The following ETS1 variants were observed in gnomAD, a reference collection of about 807,000 sequenced individuals.
ETS1 encodes ETS proto-oncogene 1, transcription factor.
ETS1 carries 15 observed loss-of-function variants against 58.6 expected under a neutral mutation model. The observed-to-expected ratio is 0.26, with a 90% CI of 0.17 to 0.39. The LOEUF (loss-of-function observed/expected upper bound fraction) is 0.39. Ranked by LOEUF, ETS1 falls within the 10% of genes least tolerant of loss-of-function variation. ETS1 has a pLI of 1.00. For synonymous variants in ETS1, 214 were observed against 218.2 expected (o/e 0.98, Z 0.17); for missense variants, 417 against 610.5 (o/e 0.68, Z 3.34).
chr11:128,585,022 A>AG (rs1555092955), intron 1 of ETS1, among the ~76,000 whole-genome samples: 18 of 14,412 alleles, frequency 1.2e-3, no homozygotes, highest in Admixed American at 3.2e-3. Context: ...GAAAGAAAGA[A>AG]GAAAGAAAGA....
chr11:128,562,987 G>A (rs1864428695), intron 2 of ETS1, among the ~76,000 whole-genome samples: 1 of 151,972 alleles, frequency 6.6e-6, no homozygotes, highest in African/African-American at 2.4e-5. Context: ...AAAAGAATAG[G>A]AGAATATATT....
chr11:128,484,885 T>C lies in ETS1; in HGVS notation c.800A>G (p.Tyr267Cys), dbSNP rs1862583863. ...PLQTDTLQNDYFAIKQEVVTP... is the reference protein window; with the variant it reads ...PLQTDTLQNDCFAIKQEVVTP... ...GACGACTTCTTGTTTGATAGCAAAG[T>C]AGTCATTCTGCAAGGTGTCTGTCTG... Residue 267 changes from tyrosine to cysteine, a missense_variant, in exon 7 of 10, where the codon TAC (tyrosine) becomes TGC (cysteine). Physicochemically the swap from Tyr to Cys is radical, Grantham distance 194 (BLOSUM62 -2). Around this residue, in one of 4 missense-constraint regions of ETS1, gnomAD observed 139 missense variants for 152.1 expected, o/e 0.91. Transcript: ENST00000392668. The C allele has an allele frequency of 6.2e-7, 1 of 1,613,876 alleles. No individual in the cohort carries two copies. The highest frequency in any genetic ancestry group is 8.5e-7 in the Non-Finnish European group (1 of 1,179,806).
intron 3 of ETS1, among the ~76,000 whole-genome samples, chr11:128,493,700 G>C (rs1018248303): frequency 2.6e-5 from 4 of 152,078 alleles, no homozygotes; most frequent in African/African-American, 9.7e-5. Flanking sequence ...TGGAATTGTA[G>C]TTTAAAAAGA....
intron 1 of ETS1, among the ~76,000 whole-genome samples, chr11:128,585,332 C>G (rs67904832): frequency 0.76 from 104,660 of 137,084 alleles, 38,046 homozygotes; most frequent in Admixed American, 0.78. Flanking sequence ...AGGAAGGAAG[C>G]AAGGAAGGAA....
At chr11:128,535,328 A>G (rs1379326311) in intron 3 of ETS1, among the ~76,000 whole-genome samples, 1 of 151,960 alleles carries the variant, frequency 6.6e-6, no homozygotes, top group Non-Finnish European at 1.5e-5. Context: ...TGGATATTAG[A>G]CCTTTGTCAA....
intron 3 of ETS1, among the ~76,000 whole-genome samples, chr11:128,514,916 A>G (rs1472556017): frequency 6.6e-6 from 1 of 152,024 alleles, no homozygotes; most frequent in Non-Finnish European, 1.5e-5. Context: ...TAGTTTTACA[A>G]TTTCCTTTCA....
intron 8 of ETS1, among the ~76,000 whole-genome samples, chr11:128,465,113 AG>A (rs1410476343): frequency 6.6e-6 from 1 of 152,222 alleles, no homozygotes; most frequent in Non-Finnish European, 1.5e-5. Context: ...CCACAGCCAA[AG>A]GAAGTCCTCC....
intron 2 of ETS1, among the ~76,000 whole-genome samples, chr11:128,568,336 CACAG>C (rs1864548278): frequency 6.6e-6 from 1 of 152,234 alleles, no homozygotes; most frequent in African/African-American, 2.4e-5. Context: ...GCTGGGCCAG[CACAG>C]TGCTGTGAAG....
At chr11:128,543,696 T>C (rs1322708363) in intron 3 of ETS1, among the ~76,000 whole-genome samples, 1 of 152,108 alleles carries the variant, frequency 6.6e-6, no homozygotes, top group Non-Finnish European at 1.5e-5. Flanking sequence ...TTCCCTTAAG[T>C]TCCTTAAGTT....
Position 128,484,921 on chromosome 11 carries a change from C to T in ETS1, c.764G>A (p.Arg255Gln), listed in dbSNP as rs753877130. 7.4e-6 allele frequency: 12 copies of T among 1,613,826 alleles called. No homozygotes were observed. In the East Asian group the frequency reaches 2.0e-4, roughly 27 times the overall value. ...YENDYPSVIL[R>Q]DPLQTDTLQN... is the part of the protein sequence containing the mutation. ...CAAGGTGTCTGTCTGGAGAGGGTCT[C>T]GGAGAATGACCGAGGGGTAGTCATT... The change falls in exon 7 of 10, where the codon CGA becomes CAA. Residue 255 changes from arginine to glutamine, a missense_variant. Arg to Gln is a conservative substitution (Grantham distance 43, BLOSUM62 1). This residue lies in a region of ETS1 where 139 missense variants were observed against 152.1 expected (regional missense o/e 0.91). Coordinates refer to ENST00000392668, the MANE Select transcript of ETS1 (RefSeq NM_001143820.2).
At chr11:128,524,272 AGT>A (rs1863757845) in intron 3 of ETS1, among the ~76,000 whole-genome samples, 1 of 152,238 alleles carries the variant, frequency 6.6e-6, no homozygotes, top group East Asian at 1.9e-4. Context: ...ATTCTTCCAT[AGT>A]GACAACTCAG....
chr11:128,490,517 C>T lies in ETS1; in HGVS notation c.274G>A (p.Ala92Thr). 1.2e-6 allele frequency: 2 copies of T among 1,611,194 alleles called. No homozygotes were observed. The highest frequency in any genetic ancestry group is 8.5e-7 in the Non-Finnish European group (1 of 1,177,954). ...AAACCACTGAAAGTAGCTTTTAATG[C>T]TTGAGACATCATTTCTTTGCTGCTT... Reference protein sequence around the residue: ...TPSSKEMMSQALKATFSGFTK... With the variant: ...TPSSKEMMSQTLKATFSGFTK... Residue 92 changes from alanine (A) to threonine (T), a missense_variant, in exon 4 of 10, where the codon GCA becomes ACA. Ala to Thr is a moderately conservative substitution (Grantham distance 58, BLOSUM62 0). Coordinates refer to ENST00000392668, the MANE Select transcript of ETS1 (RefSeq NM_001143820.2).
rs186722801 is a variant in ETS1, at chr11:128,564,608, G to C, written c.70-8173C>G. Among the ~76,000 whole-genome samples the C allele has an allele frequency of 3.3e-5, 5 of 152,264 alleles. No individual in the cohort carries two copies. In the East Asian group the frequency reaches 5.8e-4, roughly 18 times the overall value. ...CTGAAACAGGCTGAAGGACGGGGAG[G>C]GGGTGGAACTTGAGACCACAGTCCT... is the stretch of plus-strand genomic sequence containing the variant. On this transcript the variant is annotated intron_variant, in intron 2 of 9. Transcript: ENST00000392668.
intron 3 of ETS1, among the ~76,000 whole-genome samples, chr11:128,515,942 G>A (rs962282660): frequency 2.0e-5 from 3 of 152,172 alleles, no homozygotes; most frequent in Admixed American, 6.5e-5. Context: ...GAAAGCACCT[G>A]GGAAATATGA....
chr11:128,485,005 T>C lies in ETS1; in HGVS notation c.680A>G (p.Glu227Gly). ...GATGGGATGGAGCGTCTGATAGGAC[T>C]CTGTGATGAAGCTGGGCTCTGAGAA... ...SEFSEPSFIT[E>G]SYQTLHPISS... Residue 227 changes from glutamate to glycine, a missense_variant, in exon 7 of 10, where the codon GAG becomes GGG. Glu to Gly is a moderately conservative substitution (Grantham distance 98, BLOSUM62 -2). Transcript: ENST00000392668. 1 of 1,613,972 alleles carries C rather than the reference T, an allele frequency of 6.2e-7. No homozygotes were observed. The highest frequency in any genetic ancestry group is 1.1e-5 in the South Asian group (1 of 91,078).
chr11:128,574,767 T>C (rs1033307002), intron 1 of ETS1, among the ~76,000 whole-genome samples: 1 of 152,230 alleles, frequency 6.6e-6, no homozygotes, highest in African/African-American at 2.4e-5. Flanking sequence ...AGTTTTAAAG[T>C]CCTGATGAAT....
intron 3 of ETS1, among the ~76,000 whole-genome samples, chr11:128,517,373 G>A (rs553046184): frequency 8.5e-5 from 13 of 152,378 alleles, no homozygotes; most frequent in African/African-American, 3.1e-4. Flanking sequence ...AATTTCTAGA[G>A]TGTGGCCTTA....
chr11:128,553,857 C>T (rs1028649738), intron 3 of ETS1, among the ~76,000 whole-genome samples: 20 of 152,022 alleles, frequency 1.3e-4, no homozygotes, highest in African/African-American at 2.2e-4. Flanking sequence ...AGAGCATGAA[C>T]GTGAAGGGGG....
intron 3 of ETS1, among the ~76,000 whole-genome samples, chr11:128,553,911 A>G (rs1024033327): frequency 6.6e-6 from 1 of 152,096 alleles, no homozygotes; most frequent in Admixed American, 6.5e-5. Flanking sequence ...CGGGAAGGAA[A>G]CTGAAGTTAT....
Sources: gnomAD v4.1 joint callset for allele counts (sites outside exome capture counted in the v4.1 genomes callset) on GRCh38, gnomAD v4.1.1 for gene constraint, gnomAD v4.1.1 regional missense constraint, MANE v1.5 for transcripts, NCBI Gene and HGNC (gene_info 2026-07-23, HGNC 2026-07-21) for gene names.